Variants in UBE3D observed in about 807,000 individuals in gnomAD.
UBE3D encodes ubiquitin protein ligase E3D.
UBE3D carries 48 observed loss-of-function variants against 49.6 expected under a neutral mutation model. That is an observed-to-expected ratio of 0.97 (90% CI 0.77 to 1.23). UBE3D has a LOEUF of 1.23. Among genes scored for constraint, UBE3D ranks in the 50% most tolerant of loss-of-function variants. The pLI is 0.00. For missense variants in UBE3D, 452 were observed against 468.4 expected, an observed-to-expected ratio of 0.96 and a Z score of 0.32; for synonymous variants, 189 against 174.2, an observed-to-expected ratio of 1.08 and a Z score of -0.67.
intron 7 of UBE3D, among the ~76,000 whole-genome samples, chr6:83,021,091 A>G (rs1470249095): frequency 6.6e-6 from 1 of 152,170 alleles, no homozygotes; most frequent in African/African-American, 2.4e-5. Flanking sequence ...TTCCTCAAAA[A>G]TTGCCACTGT....
At chr6:83,027,210 G>A (rs1305935244) in intron 5 of UBE3D, among the ~76,000 whole-genome samples, 1 of 151,330 alleles carries the variant, frequency 6.6e-6, no homozygotes, top group Non-Finnish European at 1.5e-5. Flanking sequence ...GGCTGAGGCG[G>A]GAGGATCACA....
At chr6:82,914,387 C>G (rs1772757027) in intron 9 of UBE3D, among the ~76,000 whole-genome samples, 1 of 152,074 alleles carries the variant, frequency 6.6e-6, no homozygotes. Context: ...TGTCAGTGAG[C>G]AAAACCAAGT....
At chr6:82,918,308 AT>A (rs757840860) in intron 9 of UBE3D, among the ~76,000 whole-genome samples, 4 of 152,090 alleles carry the variant, frequency 2.6e-5, no homozygotes, top group Non-Finnish European at 4.4e-5. Flanking sequence ...AAACAAAAAA[AT>A]AAACCCTTTC....
Position 82,906,763 on chromosome 6 carries a change from C to A in UBE3D, c.1150-13721G>T, listed in dbSNP as rs1384349811. 2.0e-5 allele frequency among the ~76,000 whole-genome samples: 3 copies of A among 152,116 alleles called. No homozygotes were observed. In the East Asian group the frequency reaches 5.8e-4, roughly 29 times the overall value. ...TTTTCAAAGTGCAGCAAGAAAACAC[C>A]CTGCTTCAAGTGTCTTTGTATCCTA... On this transcript the variant is annotated intron_variant, in intron 9 of 9. Coordinates refer to ENST00000369747, the MANE Select transcript of UBE3D (RefSeq NM_198920.3).
chr6:82,902,575 C>T lies in UBE3D; in HGVS notation c.1150-9533G>A, dbSNP rs147592578. Among the ~76,000 whole-genome samples the T allele has an allele frequency of 1.2e-4, 18 of 152,226 alleles. No homozygotes were observed. The East Asian group carries it at 3.5e-3, about 29-fold the overall frequency. ...ACATTTTTGAATTGACAAAATTTTA[C>T]AAGTCAAGGACAGAGCAGTGATTGC... is the stretch of plus-strand genomic sequence containing the variant. On this transcript the variant is annotated intron_variant, in intron 9 of 9. Transcript: ENST00000369747.
intron 4 of UBE3D, among the ~76,000 whole-genome samples, chr6:83,039,189 C>T (rs1410367751): frequency 6.6e-6 from 1 of 152,150 alleles, no homozygotes; most frequent in Admixed American, 6.5e-5. Flanking sequence ...CCATACATTC[C>T]TCTCGTCCAG....
At chr6:82,989,980 G>A (rs1444323501) in intron 8 of UBE3D, among the ~76,000 whole-genome samples, 1 of 152,154 alleles carries the variant, frequency 6.6e-6, no homozygotes, top group Non-Finnish European at 1.5e-5. Context: ...ACATACATAT[G>A]CATAATTTTA....
At chr6:83,027,454 A>AAAAAAAAAAAAAAAAAAAAAAAAAAAAC in intron 5 of UBE3D, among the ~76,000 whole-genome samples, 1 of 147,462 alleles carries the variant, frequency 6.8e-6, no homozygotes, top group Non-Finnish European at 1.5e-5. Context: ...AAAAAAAAAA[A>AAAAAAAAAAAAAAAAAAAAAAAAAAAAC]AAAAAAAGAA....
chr6:83,043,487 G>A (rs1011173772), intron 4 of UBE3D, among the ~76,000 whole-genome samples: 1 of 152,062 alleles, frequency 6.6e-6, no homozygotes, highest in Non-Finnish European at 1.5e-5. Flanking sequence ...TGTAAAATGA[G>A]GCACTTAAAT....
intron 5 of UBE3D, 59 bp from the exon 6 acceptor site, chr6:83,024,097 C>A (rs1385687291): frequency 1.2e-6 from 1 of 859,670 alleles, no homozygotes; most frequent in Non-Finnish European, 1.8e-6. Flanking sequence ...TTATTGTGGG[C>A]AAGTTGACTC....
intron 5 of UBE3D, among the ~76,000 whole-genome samples, chr6:83,035,613 C>CT (rs1481497899): frequency 2.0e-5 from 3 of 151,160 alleles, no homozygotes; most frequent in Non-Finnish European, 4.4e-5. Context: ...TATTAACTGC[C>CT]TTTTTCCCTC....
chr6:82,914,385 A>G (rs1772756527), intron 9 of UBE3D, among the ~76,000 whole-genome samples: 3 of 152,130 alleles, frequency 2.0e-5, no homozygotes, highest in African/African-American at 7.2e-5. Context: ...GGTGTCAGTG[A>G]GCAAAACCAA....
intron 9 of UBE3D, among the ~76,000 whole-genome samples, chr6:82,915,645 C>T (rs540513413): frequency 1.3e-5 from 2 of 152,324 alleles, no homozygotes; most frequent in African/African-American, 4.8e-5. Flanking sequence ...TTCTTGTCAA[C>T]ATGCTCTCTT....
intron 8 of UBE3D, among the ~76,000 whole-genome samples, chr6:82,970,518 A>G (rs1347124369): frequency 2.0e-5 from 3 of 152,220 alleles, no homozygotes; most frequent in South Asian, 4.1e-4. Flanking sequence ...TTTGAAGGTC[A>G]TAGGCCTCAA....
intron 9 of UBE3D, among the ~76,000 whole-genome samples, chr6:82,918,272 A>AAAC (rs1422483586): frequency 2.0e-5 from 3 of 150,318 alleles, no homozygotes; most frequent in Admixed American, 6.6e-5. Context: ...AATGGGTAAA[A>AAAC]AACAACAACA....
intron 9 of UBE3D, among the ~76,000 whole-genome samples, chr6:82,938,912 T>A (rs1014977521): frequency 2.6e-5 from 4 of 152,114 alleles, no homozygotes; most frequent in East Asian, 1.9e-4. Flanking sequence ...TCTGGTGTGG[T>A]GGCATGCACC....
At chr6:82,991,683 A>G (rs1319554585) in intron 8 of UBE3D, among the ~76,000 whole-genome samples, 2 of 152,144 alleles carry the variant, frequency 1.3e-5, no homozygotes, top group Admixed American at 1.3e-4. Context: ...TTGTTAAGAA[A>G]TTTATCATTT....
chr6:83,006,385 T>C (rs903169733), intron 8 of UBE3D, among the ~76,000 whole-genome samples: 2 of 152,128 alleles, frequency 1.3e-5, no homozygotes, highest in Non-Finnish European at 2.9e-5. Flanking sequence ...TCCCTGTATT[T>C]GGAGATAGGA....
intron 8 of UBE3D, chr6:83,018,020 A>C (rs1474779419): frequency 6.6e-6 from 1 of 152,150 alleles, no homozygotes; most frequent in Non-Finnish European, 1.5e-5. Flanking sequence ...GTAGACAACA[A>C]ACGTTTTACT....
Sources: allele counts gnomAD v4.1 joint callset (sites outside exome capture counted in the v4.1 genomes callset), GRCh38; gene constraint gnomAD v4.1.1; transcripts MANE v1.5; gene names NCBI Gene and HGNC (gene_info 2026-07-23, HGNC 2026-07-21).